Variants in NPIPB12 observed in about 807,000 individuals in gnomAD.
NPIPB12 encodes nuclear pore complex interacting protein family member B12, also known as nuclear pore complex-interacting protein family member B12.
At chr16:29,490,460 C>T (rs1965066897) in intron 4 of NPIPB12, among the ~76,000 whole-genome samples, 1 of 149,270 alleles carries the variant, frequency 6.7e-6, no homozygotes, top group Non-Finnish European at 1.5e-5. Flanking sequence ...TTGGGCCGGG[C>T]ACGGTGGCTC....
At chr16:29,490,904 T>TAAA (rs1156982100) in intron 4 of NPIPB12, among the ~76,000 whole-genome samples, 36 of 56,680 alleles carry the variant, frequency 6.4e-4, no homozygotes, top group East Asian at 1.9e-3. Flanking sequence ...ATCTCAAAAT[T>TAAA]AAAAAAAAAA....
At chr16:29,504,373 G>A (rs1965209100), upstream of NPIPB12, among the ~76,000 whole-genome samples, 1 of 77,088 alleles carries the variant, frequency 1.3e-5, no homozygotes, top group African/African-American at 5.1e-5. Context: ...GGGCATGGTG[G>A]CACACACCTG....
chr16:29,490,491 T>C (rs1406301789), intron 4 of NPIPB12, among the ~76,000 whole-genome samples: 5 of 149,310 alleles, frequency 3.3e-5, no homozygotes, highest in Non-Finnish European at 6.0e-5. Context: ...TCCCAGCACA[T>C]TGGGAGGCCG....
At chr16:29,504,539 T>C (rs1165513793) in intron 2 of NPIPB12, among the ~76,000 whole-genome samples, 3 of 145,318 alleles carry the variant, frequency 2.1e-5, no homozygotes, top group African/African-American at 7.5e-5. Flanking sequence ...TGTGTGTGTG[T>C]GTGTGTGTGT....
chr16:29,504,618 T>C (rs1189705096), intron 2 of NPIPB12, among the ~76,000 whole-genome samples: 31 of 115,142 alleles, frequency 2.7e-4, no homozygotes, highest in African/African-American at 9.6e-4. Context: ...AAAGACAAGA[T>C]AATGTTCAAC....
chr16:29,490,409 T>C (rs1965065736), intron 4 of NPIPB12, among the ~76,000 whole-genome samples: 1 of 146,816 alleles, frequency 6.8e-6, no homozygotes, highest in Non-Finnish European at 1.5e-5. Context: ...AAGACTAGCC[T>C]GGCCAACATG....
intron 2 of NPIPB12, among the ~76,000 whole-genome samples, chr16:29,504,484 G>T (rs1448436396): frequency 7.4e-6 from 1 of 135,220 alleles, no homozygotes; most frequent in South Asian, 2.6e-4. Context: ...CAGCCTGGGG[G>T]ACAGAGTGAA....
intron 1 of NPIPB12, among the ~76,000 whole-genome samples, chr16:29,498,376 T>C (rs1965168065): frequency 7.1e-6 from 1 of 140,710 alleles, no homozygotes; most frequent in Non-Finnish European, 1.5e-5. Flanking sequence ...TTTATGCTGG[T>C]GTATGTACTT....
At chr16:29,490,896 C>A (rs1233868063) in intron 4 of NPIPB12, among the ~76,000 whole-genome samples, 1 of 82,020 alleles carries the variant, frequency 1.2e-5, no homozygotes, top group South Asian at 6.0e-4. Flanking sequence ...GAGACTCTAT[C>A]TCAAAATTAA....
At chr16:29,504,497 T>G in intron 2 of NPIPB12, among the ~76,000 whole-genome samples, 1 of 113,666 alleles carries the variant, frequency 8.8e-6, no homozygotes, top group East Asian at 2.7e-4. Context: ...AGAGTGAAAC[T>G]CTGTCTCAAA....
chr16:29,504,514 A>ATG (rs375593232), intron 2 of NPIPB12, among the ~76,000 whole-genome samples: 25,014 of 135,984 alleles, frequency 0.18, 376 homozygotes, highest in East Asian at 0.23. Context: ...CAAAAAATAT[A>ATG]TGTGTGTGTG....
At chr16:29,504,484 G>A (rs1448436396) in intron 2 of NPIPB12, among the ~76,000 whole-genome samples, 5 of 135,212 alleles carry the variant, frequency 3.7e-5, no homozygotes, top group African/African-American at 1.1e-4. Context: ...CAGCCTGGGG[G>A]ACAGAGTGAA....
chr16:29,504,512 ATATGTGTGTGTGTGTGTGTGTGTG>A (rs1965213042), intron 2 of NPIPB12, among the ~76,000 whole-genome samples: 1 of 92,014 alleles, frequency 1.1e-5, no homozygotes, highest in Non-Finnish European at 2.3e-5. Context: ...CTCAAAAAAT[ATATGTGTGTGTGTGTGTGTGTGTG>A]TGTGTGTGTG....
At chr16:29,490,905 A>C (rs78348578) in intron 4 of NPIPB12, among the ~76,000 whole-genome samples, 2 of 62,416 alleles carry the variant, frequency 3.2e-5, no homozygotes, top group Non-Finnish European at 6.5e-5. Flanking sequence ...TCTCAAAATT[A>C]AAAAAAAAAA....
intron 1 of NPIPB12, among the ~76,000 whole-genome samples, chr16:29,498,386 T>C: frequency 7.2e-6 from 1 of 139,212 alleles, no homozygotes; most frequent in Non-Finnish European, 1.6e-5. Context: ...TGTATGTACT[T>C]TCCAAAGTTA....
upstream of NPIPB12, among the ~76,000 whole-genome samples, chr16:29,502,178 A>C (rs372115916): frequency 3.2e-3 from 1 of 310 alleles, no homozygotes; most frequent in African/African-American, 0.01. Context: ...AGATTTGAGA[A>C]CAGCTATGTT....
intron 4 of NPIPB12, among the ~76,000 whole-genome samples, chr16:29,491,205 GAAAAAAA>G (rs1247828161): frequency 7.5e-4 from 4 of 5,350 alleles, no homozygotes; most frequent in African/African-American, 3.3e-3. Context: ...TCCATCTCAG[GAAAAAAA>G]AAAAAAAAAA....
At chr16:29,497,543 G>A (rs1427882159) in intron 1 of NPIPB12, among the ~76,000 whole-genome samples, 1 of 58,970 alleles carries the variant, frequency 1.7e-5, no homozygotes, top group Non-Finnish European at 2.6e-5. Flanking sequence ...TTACCAAGGT[G>A]GAGATCATGA....
intron 2 of NPIPB12, among the ~76,000 whole-genome samples, chr16:29,504,512 A>G (rs1596719024): frequency 4.4e-5 from 4 of 91,932 alleles, no homozygotes; most frequent in Non-Finnish European, 9.3e-5. Flanking sequence ...CTCAAAAAAT[A>G]TATGTGTGTG....
Sources: allele counts gnomAD v4.1 joint callset (sites outside exome capture counted in the v4.1 genomes callset), GRCh38; gene constraint gnomAD v4.1.1; transcripts MANE v1.5; gene names NCBI Gene and HGNC (gene_info 2026-07-23, HGNC 2026-07-21).